HELQ: variants seen among roughly 807,000 people sequenced by gnomAD.
HELQ encodes helicase POLQ-like.
A neutral mutation model predicts 111.6 loss-of-function variants in HELQ; 77 were observed. The ratio of observed to expected loss-of-function variants is 0.69; its 90% CI spans 0.57 to 0.83. The LOEUF is 0.83. HELQ is among the 40% of genes least tolerant of loss of function. The pLI, the probability that HELQ is intolerant of heterozygous loss-of-function variation, is 0.00. For synonymous variants in HELQ, 438 were observed against 454.7 expected (o/e 0.96, Z 0.47); for missense variants, 1,200 against 1,288.5 (o/e 0.93, Z 1.05).
At chr4:83,416,893 A>G in intron 16 of HELQ, 28 bp from the exon 17 acceptor site, 1 of 1,563,306 alleles carries the variant, frequency 6.4e-7, no homozygotes, top group Non-Finnish European at 8.6e-7. Flanking sequence ...AATCAGTAGG[A>G]TAATAGTTTG....
At chr4:83,434,073 C>T (rs1439312875) in intron 9 of HELQ, among the ~76,000 whole-genome samples, 1 of 151,166 alleles carries the variant, frequency 6.6e-6, no homozygotes, top group Non-Finnish European at 1.5e-5. Flanking sequence ...TTTAAAAATT[C>T]ATAAAAAATT....
intron 13 of HELQ, among the ~76,000 whole-genome samples, chr4:83,427,012 G>C (rs374228014): frequency 6.6e-6 from 1 of 152,154 alleles, no homozygotes; most frequent in South Asian, 2.1e-4. Context: ...ACGTCATTGG[G>C]TTTAATGTAT....
intron 8 of HELQ, among the ~76,000 whole-genome samples, chr4:83,439,029 T>C (rs1720618956): frequency 6.6e-6 from 1 of 152,142 alleles, no homozygotes; most frequent in Non-Finnish European, 1.5e-5. Context: ...TAATATTACT[T>C]AACATTCTCA....
intron 11 of HELQ, among the ~76,000 whole-genome samples, chr4:83,430,052 C>T (rs1468337809): frequency 4.0e-5 from 6 of 151,792 alleles, no homozygotes; most frequent in Admixed American, 3.3e-4. Context: ...GCTATTTACT[C>T]CCCAACCAAT....
Position 83,443,684 on chromosome 4 carries a change from T to C in HELQ, c.1466-70A>G, listed in dbSNP as rs528039874. The C allele has an allele frequency of 3.3e-5, 20 of 605,962 alleles. 1 individual carries two copies. In the South Asian group the frequency reaches 5.0e-4, roughly 15 times the overall value. The allele number at this position is 605,962 out of a possible 1,614,324, so 37.5% of individuals were successfully genotyped here. ...TTATTTAATATATCATAAAGTAATT[T>C]TAGCAAGTCTTTTGTGCTCTGAATT... is the stretch of plus-strand genomic sequence containing the variant. On this transcript the variant is annotated intron_variant, in intron 5 of 17. Coordinates refer to ENST00000295488, the MANE Select transcript of HELQ (RefSeq NM_133636.5).
intron 14 of HELQ, among the ~76,000 whole-genome samples, chr4:83,423,638 C>G (rs969689194): frequency 9.9e-5 from 15 of 151,896 alleles, no homozygotes; most frequent in Non-Finnish European, 2.9e-5. Flanking sequence ...TGGCAGGGCA[C>G]GGTGGCTCAC....
At chr4:83,428,821 T>C (rs1719981305) in intron 12 of HELQ, among the ~76,000 whole-genome samples, 3 of 151,310 alleles carry the variant, frequency 2.0e-5, no homozygotes, top group Admixed American at 1.3e-4. Context: ...ATAAAAAGTT[T>C]CAGAATAATA....
chr4:83,411,831 C>A (rs1739121489), intron 17 of HELQ, among the ~76,000 whole-genome samples: 1 of 151,716 alleles, frequency 6.6e-6, no homozygotes, highest in Admixed American at 6.6e-5. Flanking sequence ...TTTGTAGGAA[C>A]AGGGTCTTGC....
chr4:83,425,279 C>CA lies in HELQ; in HGVS notation c.2775+714dup, dbSNP rs11319573. The stretch of plus-strand genomic sequence containing the variant: ...TGGGCGACAGAGTGAGACTGCACCT[C>CA]AAAAAAAAAAAAAAAAAAGGTGTGG... On this transcript the variant is annotated intron_variant, in intron 14 of 17. Coordinates refer to ENST00000295488, the MANE Select transcript of HELQ (RefSeq NM_133636.5). 7.3e-3 allele frequency among the ~76,000 whole-genome samples: 509 copies of CA among 70,128 alleles called. 8 individuals are homozygous for CA. The highest frequency in any genetic ancestry group is 0.04 in the East Asian group (62 of 1,560). The allele number at this position is 70,128 out of a possible 152,430, so 46.0% of individuals were successfully genotyped here.
At chr4:83,428,434 C>A (rs6826913) in intron 12 of HELQ, among the ~76,000 whole-genome samples, 68,234 of 151,724 alleles carry the variant, frequency 0.45, 15,865 homozygotes, top group East Asian at 0.67. Flanking sequence ...GGTGACATGC[C>A]CCTGTAGTCC....
At chr4:83,445,477 GT>G (rs2110006869) in intron 5 of HELQ, among the ~76,000 whole-genome samples, 1 of 152,168 alleles carries the variant, frequency 6.6e-6, no homozygotes, top group Admixed American at 6.5e-5. Context: ...TCAATAGTAG[GT>G]TATGACATTT....
intron 17 of HELQ, among the ~76,000 whole-genome samples, chr4:83,413,533 A>G (rs1454047148): frequency 6.6e-6 from 1 of 152,218 alleles, no homozygotes; most frequent in African/African-American, 2.4e-5. Context: ...ATTTGTGACC[A>G]GAGGGCAGAT....
chr4:83,433,142 G>GA (rs1387125711), intron 9 of HELQ, among the ~76,000 whole-genome samples: 14 of 151,890 alleles, frequency 9.2e-5, no homozygotes, highest in Non-Finnish European at 8.8e-5. Flanking sequence ...CCAAAGGGAA[G>GA]AAAAAACCTA....
intron 2 of HELQ, among the ~76,000 whole-genome samples, chr4:83,450,574 ATAACT>A (rs1168676625): frequency 6.6e-6 from 1 of 152,060 alleles, no homozygotes; most frequent in Non-Finnish European, 1.5e-5. Context: ...ATGCCAAAGT[ATAACT>A]TAACCATAGC....
intron 11 of HELQ, among the ~76,000 whole-genome samples, chr4:83,430,662 A>G (rs1434336691): frequency 2.0e-5 from 3 of 152,212 alleles, no homozygotes; most frequent in Admixed American, 2.0e-4. Flanking sequence ...TCGTAATTTC[A>G]TATTAAACCA....
chr4:83,431,741 C>T lies in HELQ; in HGVS notation c.2218G>A (p.Glu740Lys). 6.5e-7 allele frequency: 1 copy of T among 1,530,734 alleles called. No homozygotes were observed. The highest frequency in any genetic ancestry group is 8.8e-7 in the Non-Finnish European group (1 of 1,134,614). 94.8% of individuals were successfully genotyped at this position (1,530,734 alleles called of 1,614,324 possible). A position where few individuals can be genotyped will look rare whatever the true frequency, so the allele number is the denominator to read the frequency against. The change falls in exon 11 of 18, where the codon GAA becomes AAA. Residue 740 changes from glutamate to lysine, a missense_variant. Glu to Lys is a moderately conservative substitution (Grantham distance 56). Around this residue, in one of 3 missense-constraint regions of HELQ, gnomAD observed 585 missense variants for 665.3 expected, o/e 0.88. Transcript: ENST00000295488. Reference protein sequence around the residue: ...QVLELITKPLENCYSHLVQEF... With the variant: ...QVLELITKPLKNCYSHLVQEF... ...TGAACAAGATGGCTGTAACAGTTTTCCAATGGTTTAGTTATTAACTCCAAT... is the reference window on the plus strand; with the variant it reads ...TGAACAAGATGGCTGTAACAGTTTTTCAATGGTTTAGTTATTAACTCCAAT...
chr4:83,426,005 C>T lies in HELQ; in HGVS notation c.2764G>A (p.Ala922Thr), dbSNP rs771628835. The change falls in exon 14 of 18, where the codon GCC (alanine) becomes ACC (threonine). Residue 922 changes from alanine to threonine, a missense_variant. Transcript: ENST00000295488. ...AAAGAATGTGGTACCTTTCCGATGG[C>T]TTGGCCTGATGCTTTCTTCCCAATA... The part of the protein sequence containing the change: ...SFIGKKASGQ[A>T]IGKKVDKNVV... 8.2e-6 allele frequency: 13 copies of T among 1,589,228 alleles called. No homozygotes were observed. In the South Asian group the frequency reaches 1.4e-4, roughly 18 times the overall value.
chr4:83,455,331 G>T (rs1578113171), intron 1 of HELQ, 66 bp downstream of exon 1: 1 of 1,573,992 alleles, frequency 6.4e-7, no homozygotes, highest in South Asian at 1.2e-5. Flanking sequence ...CGATAAAACT[G>T]GTCAACTCTT....
intron 11 of HELQ, among the ~76,000 whole-genome samples, chr4:83,431,313 C>T (rs1186629528): frequency 6.6e-6 from 1 of 151,664 alleles, no homozygotes; most frequent in African/African-American, 2.4e-5. Context: ...ACTTGCCAAG[C>T]ATTAGGATTC....
Sources: allele counts gnomAD v4.1 joint callset (sites outside exome capture counted in the v4.1 genomes callset), GRCh38; gene constraint gnomAD v4.1.1; regional missense constraint gnomAD v4.1.1; transcripts MANE v1.5; gene names NCBI Gene and HGNC (gene_info 2026-07-23, HGNC 2026-07-21).